LPP: variants seen among roughly 807,000 people sequenced by gnomAD.
The protein encoded by LPP is LIM domain containing preferred translocation partner in lipoma, also known as lipoma-preferred partner.
A neutral mutation model predicts 60.4 loss-of-function variants in LPP; 38 were observed. The ratio of observed to expected loss-of-function variants is 0.63; its 90% CI spans 0.49 to 0.83. The LOEUF (loss-of-function observed/expected upper bound fraction) is 0.83. Among genes scored for constraint, LPP ranks in the 40% least tolerant of loss-of-function variants. The pLI, the probability that LPP is intolerant of heterozygous loss-of-function variation, is 0.00. For synonymous variants in LPP, 328 were observed against 290.8 expected (o/e 1.13, Z -1.30); for missense variants, 902 against 783.6 (o/e 1.15, Z -1.80).
At chr3:188,247,175 T>TG (rs933960175) in intron 2 of LPP, 6 of 984,770 alleles carry the variant, frequency 6.1e-6, no homozygotes, top group Non-Finnish European at 6.0e-6. Flanking sequence ...AGAAGACCTC[T>TG]GGAGAATTCT....
At chr3:188,184,563 G>A (rs1170068934) in intron 1 of LPP, among the ~76,000 whole-genome samples, 1 of 152,128 alleles carries the variant, frequency 6.6e-6, no homozygotes, top group Non-Finnish European at 1.5e-5. Context: ...GTGGTATCGG[G>A]TCACCATACT....
intron 7 of LPP, among the ~76,000 whole-genome samples, chr3:188,677,042 C>G (rs1174689675): frequency 6.6e-6 from 1 of 152,166 alleles, no homozygotes; most frequent in Non-Finnish European, 1.5e-5. Flanking sequence ...TAGCAGCCTG[C>G]AAGGAACCGA....
intron 8 of LPP, among the ~76,000 whole-genome samples, chr3:188,715,947 C>T (rs948083106): frequency 1.9e-4 from 29 of 152,224 alleles, no homozygotes; most frequent in African/African-American, 7.0e-4. Context: ...GATTTTTAAG[C>T]ATAGAGCTGT....
chr3:188,429,486 A>G (rs9862474), intron 4 of LPP, among the ~76,000 whole-genome samples: 44,330 of 152,070 alleles, frequency 0.29, 6,702 homozygotes, highest in Non-Finnish European at 0.31. Flanking sequence ...CATTGGCCTT[A>G]CTATATGGTG....
intron 7 of LPP, among the ~76,000 whole-genome samples, chr3:188,702,911 G>A (rs1864764429): frequency 6.6e-6 from 1 of 152,068 alleles, no homozygotes; most frequent in Non-Finnish European, 1.5e-5. Flanking sequence ...TCAAAACCCC[G>A]AGAGGCATTG....
At chr3:188,445,191 T>A (rs1287528866) in intron 4 of LPP, among the ~76,000 whole-genome samples, 1 of 152,174 alleles carries the variant, frequency 6.6e-6, no homozygotes, top group Admixed American at 6.5e-5. Context: ...TGCACACACA[T>A]ATGTTTATTG....
At chr3:188,372,804 C>G (rs1773681479) in intron 3 of LPP, among the ~76,000 whole-genome samples, 1 of 151,678 alleles carries the variant, frequency 6.6e-6, no homozygotes, top group South Asian at 2.1e-4. Flanking sequence ...TGTGCTGCAC[C>G]CATTAACTCG....
intron 9 of LPP, among the ~76,000 whole-genome samples, chr3:188,770,556 C>G (rs1735632784): frequency 6.6e-6 from 1 of 151,986 alleles, no homozygotes; most frequent in South Asian, 2.1e-4. Context: ...TTAGTACGGT[C>G]TCCTAAACTA....
At chr3:188,178,024 T>C (rs995290323) in intron 1 of LPP, among the ~76,000 whole-genome samples, 2 of 152,232 alleles carry the variant, frequency 1.3e-5, no homozygotes, top group African/African-American at 2.4e-5. Flanking sequence ...CTTGGGAGTG[T>C]TGATATAGCT....
At chr3:188,250,879 T>A (rs1339499170) in intron 2 of LPP, among the ~76,000 whole-genome samples, 1 of 131,032 alleles carries the variant, frequency 7.6e-6, no homozygotes, top group Non-Finnish European at 1.6e-5. Context: ...TTTCTTTCAC[T>A]CTCTCTCTCT....
At chr3:188,597,540 C>T (rs1329051744) in intron 6 of LPP, among the ~76,000 whole-genome samples, 1 of 151,980 alleles carries the variant, frequency 6.6e-6, no homozygotes, top group Non-Finnish European at 1.5e-5. Flanking sequence ...ACTAGTGAAC[C>T]ACACTCTCCA....
intron 5 of LPP, among the ~76,000 whole-genome samples, chr3:188,511,441 A>T (rs1233296020): frequency 6.6e-6 from 1 of 151,842 alleles, no homozygotes; most frequent in Non-Finnish European, 1.5e-5. Flanking sequence ...GTAGATGGCA[A>T]AAAAGGGTAT....
chr3:188,507,261 A>G (rs73054746), intron 5 of LPP, among the ~76,000 whole-genome samples: 2,076 of 152,210 alleles, frequency 0.014, 44 homozygotes, highest in African/African-American at 0.048. Context: ...TGTTGTAAGC[A>G]TGCAAAGGGT....
At chr3:188,860,390 G>C (rs1403694045) in intron 9 of LPP, among the ~76,000 whole-genome samples, 1 of 152,060 alleles carries the variant, frequency 6.6e-6, no homozygotes, top group Non-Finnish European at 1.5e-5. Context: ...ACCTACACTT[G>C]AGCTGTACTT....
chr3:188,607,116 G>GACACACACACACAC (rs34057522), intron 6 of LPP, among the ~76,000 whole-genome samples: 2 of 129,562 alleles, frequency 1.5e-5, no homozygotes, highest in Non-Finnish European at 3.2e-5. Context: ...TCTTGGTGAA[G>GACACACACACACAC]ACACACACAC....
At chr3:188,773,990 G>A (rs1424424769) in intron 9 of LPP, among the ~76,000 whole-genome samples, 2 of 152,170 alleles carry the variant, frequency 1.3e-5, no homozygotes, top group East Asian at 3.8e-4. Context: ...CAGACAAGTG[G>A]AGACTGATAT....
intron 7 of LPP, among the ~76,000 whole-genome samples, chr3:188,696,622 C>T (rs1863296849): frequency 6.6e-6 from 1 of 152,068 alleles, no homozygotes; most frequent in South Asian, 2.1e-4. Context: ...TTCTATTTAC[C>T]CCATTTTATT....
chr3:188,547,683 T>C (rs549577201), intron 6 of LPP, among the ~76,000 whole-genome samples: 19 of 152,202 alleles, frequency 1.2e-4, no homozygotes, highest in Non-Finnish European at 2.4e-4. Context: ...CTGCTCTTAA[T>C]TTTTACAAAA....
intron 6 of LPP, among the ~76,000 whole-genome samples, chr3:188,541,010 T>C (rs899910865): frequency 9.9e-5 from 15 of 152,228 alleles, no homozygotes; most frequent in African/African-American, 3.6e-4. Flanking sequence ...TGTTGATTGC[T>C]AGAATGTTTC....
Sources: gnomAD v4.1 joint callset for allele counts (sites outside exome capture counted in the v4.1 genomes callset) on GRCh38, gnomAD v4.1.1 for gene constraint, MANE v1.5 for transcripts, NCBI Gene and HGNC (gene_info 2026-07-23, HGNC 2026-07-21) for gene names.